Variants in ABCC5 observed in about 807,000 individuals in gnomAD.
ABCC5 encodes the protein ATP-binding cassette sub-family C member 5.
Under a neutral mutation model 160.9 loss-of-function variants are expected in ABCC5, and 61 were observed. The observed-to-expected ratio is 0.38, with a 90% CI of 0.31 to 0.47. ABCC5 has a LOEUF of 0.47. Among genes scored for constraint, ABCC5 ranks in the 20% least tolerant of loss-of-function variants. The pLI, the probability that ABCC5 is intolerant of heterozygous loss-of-function variation, is 0.99. For synonymous variants in ABCC5, 666 were observed against 700.6 expected, an observed-to-expected ratio of 0.95 and a Z score of 0.78; for missense variants, 1,308 against 1,813.3, an observed-to-expected ratio of 0.72 and a Z score of 5.06.
chr3:184,010,747 A>C (rs1243975537), intron 2 of ABCC5: 1 of 150,718 alleles, frequency 6.6e-6, no homozygotes, highest in African/African-American at 2.4e-5. Context: ...TGATAATTTT[A>C]CCCATATGCA....
At chr3:183,967,409 T>G (rs1717323273) in intron 12 of ABCC5, 1 of 380,678 alleles carries the variant, frequency 2.6e-6, no homozygotes, top group South Asian at 2.4e-5. Context: ...CGGGCATACC[T>G]GTGGCACTCA....
At chr3:183,977,999 C>T (rs1184839707) in intron 9 of ABCC5, among the ~76,000 whole-genome samples, 5 of 152,110 alleles carry the variant, frequency 3.3e-5, no homozygotes, top group South Asian at 2.1e-4. Flanking sequence ...GTGATCCGCC[C>T]GCCTCGGCCT....
At chr3:183,971,032 C>T (rs373443412) in intron 11 of ABCC5, among the ~76,000 whole-genome samples, 7 of 152,310 alleles carry the variant, frequency 4.6e-5, no homozygotes, top group African/African-American at 1.2e-4. Context: ...AGCCTTGAAC[C>T]TGGCATCTCT....
chr3:183,975,913 A>G (rs1718175352), intron 10 of ABCC5, among the ~76,000 whole-genome samples: 1 of 152,198 alleles, frequency 6.6e-6, no homozygotes, highest in South Asian at 2.1e-4. Context: ...GGACCAACCT[A>G]CACTACATGC....
chr3:184,005,789 A>G (rs1283079966), intron 2 of ABCC5, among the ~76,000 whole-genome samples: 1 of 152,074 alleles, frequency 6.6e-6, no homozygotes, highest in South Asian at 2.1e-4. Context: ...ATAATAACTA[A>G]AAAAAAGAAA....
chr3:184,013,631 T>C (rs1265870151), intron 2 of ABCC5, among the ~76,000 whole-genome samples: 1 of 152,164 alleles, frequency 6.6e-6, no homozygotes, highest in East Asian at 1.9e-4. Flanking sequence ...TGAAGCTTAA[T>C]TGGCTTTATA....
chr3:184,012,266 T>C (rs530990402), intron 2 of ABCC5, among the ~76,000 whole-genome samples: 6 of 152,200 alleles, frequency 3.9e-5, no homozygotes, highest in African/African-American at 1.4e-4. Flanking sequence ...CTCATTAACT[T>C]CCAATAGTTC....
At chr3:183,959,911 A>G (rs879739432) in intron 16 of ABCC5, 76 bp from the exon 17 acceptor site, 1 of 1,045,068 alleles carries the variant, frequency 9.6e-7, no homozygotes, top group Non-Finnish European at 1.4e-6. Flanking sequence ...CATATTAGGG[A>G]ATCATCAATT....
Position 183,949,715 on chromosome 3 carries a change from A to C in ABCC5, c.3227+38T>G, listed in dbSNP as rs1340434836. ...ACAAGTATCAAACGCTGGGATGCTG[A>C]CTCCCCTTTGAGGCCTCTAGCCCCC... On this transcript the variant is annotated intron_variant, in intron 22 of 29. Coordinates refer to ENST00000334444, the MANE Select transcript of ABCC5 (RefSeq NM_005688.4). The surrounding 1 kb of genome is among the most constrained non-coding windows in gnomAD (Gnocchi z 4.2). 1 of 1,607,106 alleles carries C rather than the reference A, an allele frequency of 6.2e-7. No homozygotes were observed. Among genetic ancestry groups the C allele is most frequent in the East Asian group, 2.2e-5 (1 of 44,760 alleles).
intron 1 of ABCC5, among the ~76,000 whole-genome samples, chr3:184,016,852 T>C (rs963438160): frequency 1.3e-5 from 2 of 152,204 alleles, no homozygotes; most frequent in African/African-American, 4.8e-5. Flanking sequence ...ACAATGATAC[T>C]GATTCAACTG....
chr3:183,940,122 G>C (rs919874548), intron 25 of ABCC5, among the ~76,000 whole-genome samples: 4 of 152,128 alleles, frequency 2.6e-5, no homozygotes, highest in Non-Finnish European at 5.9e-5. Flanking sequence ...TCTTCCTAAT[G>C]CAACAATCCT....
Position 183,978,802 on chromosome 3 carries a change from G to A in ABCC5, c.1148-151C>T, listed in dbSNP as rs1718447007. Reference sequence around the variant, plus strand: ...ACCACTAAAGCTGGTATAAAAGGCTGAGGTTTGAAATGGATCAAGTGACAG... The same window carrying A: ...ACCACTAAAGCTGGTATAAAAGGCTAAGGTTTGAAATGGATCAAGTGACAG... On this transcript the variant is annotated intron_variant, in intron 8 of 29. Coordinates refer to ENST00000334444, the MANE Select transcript of ABCC5 (RefSeq NM_005688.4). 7.1e-6 allele frequency: 6 copies of A among 841,330 alleles called. No individual in the cohort carries two copies. The South Asian group carries it at 9.6e-5, about 13-fold the overall frequency. The allele number at this position is 841,330 out of a possible 1,614,324, so 52.1% of individuals were successfully genotyped here.
intron 18 of ABCC5, among the ~76,000 whole-genome samples, chr3:183,952,660 C>T (rs1715487550): frequency 6.6e-6 from 1 of 152,186 alleles, no homozygotes; most frequent in Middle Eastern, 3.2e-3. Context: ...CACACGCTGT[C>T]TTGTCTCTCT....
intron 5 of ABCC5, chr3:183,985,596 T>G (rs1490443997): frequency 1.6e-6 from 1 of 644,594 alleles, no homozygotes; most frequent in African/African-American, 1.8e-5. Context: ...CTTGCAGATC[T>G]ACAGTGCGAT....
chr3:183,984,066 A>G, intron 5 of ABCC5: 1 of 985,456 alleles, frequency 1.0e-6, no homozygotes, highest in Non-Finnish European at 1.2e-6. Context: ...TTCTCTAGGA[A>G]AAAAGACCTT....
chr3:183,944,205 G>C (rs1396655472), intron 24 of ABCC5, among the ~76,000 whole-genome samples: 3 of 152,076 alleles, frequency 2.0e-5, no homozygotes, highest in Admixed American at 2.0e-4. Flanking sequence ...GACCAGCCGG[G>C]ACAACATGGC....
intron 28 of ABCC5, 74 bp downstream of exon 28, chr3:183,927,256 A>G: frequency 6.9e-7 from 1 of 1,447,356 alleles, no homozygotes; most frequent in Non-Finnish European, 9.5e-7. Context: ...ATACCTTTGG[A>G]CCCCAGTGTG....
chr3:183,989,197 C>G, intron 3 of ABCC5, 29 bp downstream of exon 3: 1 of 1,165,954 alleles, frequency 8.6e-7, no homozygotes, highest in African/African-American at 1.6e-5. Context: ...TTTGATGCTT[C>G]ACTGTCATCA....
chr3:183,971,143 A>G (rs1200532315), intron 11 of ABCC5, among the ~76,000 whole-genome samples: 1 of 152,198 alleles, frequency 6.6e-6, no homozygotes. Flanking sequence ...ATTAAGAATA[A>G]ATCATTACAA....
Sources: gnomAD v4.1 joint callset for allele counts (sites outside exome capture counted in the v4.1 genomes callset) on GRCh38, gnomAD v4.1.1 for gene constraint, Gnocchi (gnomAD v3.1) non-coding constraint, MANE v1.5 for transcripts, NCBI Gene and HGNC (gene_info 2026-07-23, HGNC 2026-07-21) for gene names.